SLC35A5: variants seen among roughly 807,000 people sequenced by gnomAD.
SLC35A5 encodes UDP-sugar transporter protein SLC35A5.
SLC35A5 carries 28 observed loss-of-function variants against 36.3 expected under a neutral mutation model. That is an observed-to-expected ratio of 0.77 (90% CI 0.57 to 1.06). The LOEUF is 1.06. SLC35A5 is among the 50% of genes least tolerant of loss of function. The pLI, the probability that SLC35A5 is intolerant of heterozygous loss-of-function variation, is 0.00. For synonymous variants in SLC35A5, 180 were observed against 173.7 expected (o/e 1.04, Z -0.29); for missense variants, 521 against 499.3 (o/e 1.04, Z -0.41).
At chr3:112,565,284 T>C (rs1934144925) in intron 2 of SLC35A5, among the ~76,000 whole-genome samples, 1 of 152,198 alleles carries the variant, frequency 6.6e-6, no homozygotes, top group Non-Finnish European at 1.5e-5. Context: ...GATAAAGTTA[T>C]ATATTCTGTT....
In SLC35A5 at chr3:112,584,137, TA is replaced by T. The variant is rs1935054051; in HGVS notation, c.*1405del. On this transcript the variant is annotated 3_prime_UTR_variant, in exon 7 of 7. Coordinates refer to ENST00000492406, the MANE Select transcript of SLC35A5 (RefSeq NM_017945.5). ...GCAAGAATTGGTGGAAATTTGTAATTAAAATAATTATTAAACCTATGTCTTG... is the reference window on the plus strand; with the variant it reads ...GCAAGAATTGGTGGAAATTTGTAATTAAATAATTATTAAACCTATGTCTTG... The T allele has an allele frequency of 6.6e-6, 1 of 152,166 alleles. No individual in the cohort carries two copies. The highest frequency in any genetic ancestry group is 2.4e-5 in the African/African-American group (1 of 41,440). 9.4% of individuals were successfully genotyped at this position (152,166 alleles called of 1,614,324 possible).
chr3:112,573,262 A>G (rs1016607761), intron 4 of SLC35A5, among the ~76,000 whole-genome samples: 2 of 152,240 alleles, frequency 1.3e-5, no homozygotes, highest in African/African-American at 2.4e-5. Context: ...CTTTCTGAGC[A>G]TAATGTATAC....
intron 1 of SLC35A5, 149 bp downstream of exon 1, chr3:112,562,422 G>C (rs530624827): frequency 6.6e-6 from 1 of 152,434 alleles, no homozygotes; most frequent in Non-Finnish European, 1.5e-5. Flanking sequence ...GCGTCCTGTA[G>C]GCGTGCGCCC....
In SLC35A5 at chr3:112,584,713, GT is replaced by G. The variant is rs1559867638; in HGVS notation, c.*1981del. ...GTACCTACCCAAAGGAAAATAAATCGTTTTATCAAAAAGACACTTGCAGTGG... is the reference window on the plus strand; with the variant it reads ...GTACCTACCCAAAGGAAAATAAATCGTTTATCAAAAAGACACTTGCAGTGG... On this transcript the variant is annotated 3_prime_UTR_variant, in exon 7 of 7. Coordinates refer to ENST00000492406, the MANE Select transcript of SLC35A5 (RefSeq NM_017945.5). 1 of 152,068 alleles carries G rather than the reference GT, an allele frequency of 6.6e-6. No individual in the cohort carries two copies. Among genetic ancestry groups the G allele is most frequent in the African/African-American group, 2.4e-5 (1 of 41,406 alleles). 9.4% of individuals were successfully genotyped at this position (152,068 alleles called of 1,614,324 possible).
Position 112,580,782 on chromosome 3 carries a change from G to T in SLC35A5, c.665G>T (p.Arg222Ile). 1 of 1,614,194 alleles carries T rather than the reference G, an allele frequency of 6.2e-7. No homozygotes were observed. Among genetic ancestry groups the T allele is most frequent in the Non-Finnish European group, 8.5e-7 (1 of 1,180,004 alleles). ...GAAGCTAAATGGAACACCACAGCCAGAGTTTTCAGTCACATCCGTCTTGGC... is the reference window on the plus strand; with the variant it reads ...GAAGCTAAATGGAACACCACAGCCATAGTTTTCAGTCACATCCGTCTTGGC... ...FPEAKWNTTA[R>I]VFSHIRLGMG... The change falls in exon 6 of 7, where the codon AGA becomes ATA. Residue 222 changes from arginine (R) to isoleucine (I), a missense_variant. By Grantham distance (97) the Arg-to-Ile change is moderately conservative. Transcript: ENST00000492406.
chr3:112,580,419 G>T, intron 5 of SLC35A5, 127 bp from the exon 6 acceptor site: 1 of 1,041,694 alleles, frequency 9.6e-7, no homozygotes, highest in Non-Finnish European at 1.4e-6. Flanking sequence ...AACTTGAGTG[G>T]TAGGAAATGC....
Position 112,580,817 on chromosome 3 carries a change from G to A in SLC35A5, c.700G>A (p.Val234Ile). ...FSHIRLGMGH[V>I]LIIVQCFISS... is the part of the protein sequence containing the mutation. ...TCACATCCGTCTTGGCATGGGCCATGTTCTTATTATAGTCCAGTGTTTTAT... is the reference window on the plus strand; with the variant it reads ...TCACATCCGTCTTGGCATGGGCCATATTCTTATTATAGTCCAGTGTTTTAT... Residue 234 changes from valine to isoleucine, a missense_variant, in exon 6 of 7, where the codon GTT becomes ATT. Val to Ile is a conservative substitution (Grantham distance 29). Transcript: ENST00000492406. 1.2e-6 allele frequency: 2 copies of A among 1,614,174 alleles called. No homozygotes were observed. The highest frequency in any genetic ancestry group is 8.5e-7 in the Non-Finnish European group (1 of 1,180,004).
At chr3:112,569,440 G>A (rs1934340243) in intron 3 of SLC35A5, among the ~76,000 whole-genome samples, 171 bp downstream of exon 3, 1 of 152,228 alleles carries the variant, frequency 6.6e-6, no homozygotes, top group Non-Finnish European at 1.5e-5. Context: ...AAGAGAAAGT[G>A]TTAATGCAGA....
chr3:112,565,155 T>C (rs1407976648), intron 2 of SLC35A5, among the ~76,000 whole-genome samples: 2 of 152,018 alleles, frequency 1.3e-5, no homozygotes, highest in African/African-American at 2.4e-5. Flanking sequence ...GCATAAGATA[T>C]AGACCTTGTC....
At chr3:112,573,568 G>A (rs928598653) in intron 4 of SLC35A5, among the ~76,000 whole-genome samples, 12 of 152,182 alleles carry the variant, frequency 7.9e-5, no homozygotes, top group African/African-American at 2.9e-4. Context: ...TCCATAAGGC[G>A]CTTTGAGAAC....
intron 2 of SLC35A5, 90 bp downstream of exon 2, chr3:112,563,623 AT>A: frequency 7.8e-7 from 1 of 1,276,218 alleles, no homozygotes; most frequent in East Asian, 2.7e-5. Flanking sequence ...TAACATGGAA[AT>A]AATAATGCCT....
Position 112,580,909 on chromosome 3 carries a change from C to T in SLC35A5, c.792C>T (p.Ile264=). 4 of 1,614,164 alleles carry T rather than the reference C, an allele frequency of 2.5e-6. No individual in the cohort carries two copies. Among genetic ancestry groups the T allele is most frequent in the Non-Finnish European group, 3.4e-6 (4 of 1,179,992 alleles). ...LKEGNQLTES[I]FIQNSKLYFF... Reference sequence around the variant, plus strand: ...AAGGGAACCAGCTCACTGAAAGCATCTTCATACAGAACAGCAAACTCTATT... The same window carrying T: ...AAGGGAACCAGCTCACTGAAAGCATTTTCATACAGAACAGCAAACTCTATT... Residue 264 remains isoleucine (I), a synonymous_variant, in exon 6 of 7, where the codon ATC becomes ATT. Transcript: ENST00000492406.
At chr3:112,569,795 A>G (rs1934360256) in intron 3 of SLC35A5, among the ~76,000 whole-genome samples, 1 of 152,212 alleles carries the variant, frequency 6.6e-6, no homozygotes, top group Non-Finnish European at 1.5e-5. Flanking sequence ...TTTAATATAC[A>G]TTAATTCTTC....
chr3:112,570,363 A>T, intron 3 of SLC35A5, 177 bp from the exon 4 acceptor site: 1 of 560,510 alleles, frequency 1.8e-6, no homozygotes, highest in Non-Finnish European at 3.0e-6. Flanking sequence ...CAGTAGTCCT[A>T]AGGTTGTTGC....
intron 4 of SLC35A5, among the ~76,000 whole-genome samples, 166 bp downstream of exon 4, chr3:112,570,836 G>C (rs146102370): frequency 1.3e-5 from 2 of 151,744 alleles, no homozygotes; most frequent in East Asian, 1.9e-4. Flanking sequence ...ATCAATATGC[G>C]TGCCAGGTTC....
rs1185895056 is a variant in SLC35A5, at chr3:112,573,905, T to C, written c.377T>C (p.Phe126Ser). Residue 126 changes from phenylalanine (F) to serine (S), a missense_variant, in exon 5 of 7, where the codon TTC (phenylalanine) becomes TCC (serine). Coordinates refer to ENST00000492406, the MANE Select transcript of SLC35A5 (RefSeq NM_017945.5). ...TCTTTCTAGGCCATGGCTGTTATCT[T>C]CTCAAATTTTAGCATTATAACAACA... is the stretch of plus-strand genomic sequence containing the variant. The part of the protein sequence containing the change: ...SYLQPAMAVI[F>S]SNFSIITTAL... 14 of 1,613,346 alleles carry C rather than the reference T, an allele frequency of 8.7e-6. No individual in the cohort carries two copies. Among genetic ancestry groups the C allele is most frequent in the Non-Finnish European group, 1.1e-5 (13 of 1,179,306 alleles).
At chr3:112,561,549 C>A (rs11547151), upstream of SLC35A5, 1 of 1,583,706 alleles carries the variant, frequency 6.3e-7, no homozygotes, top group South Asian at 1.1e-5. Flanking sequence ...GAGTAGCGGC[C>A]GGCCCCGCGA....
At chr3:112,565,704 C>G (rs1269275284) in intron 2 of SLC35A5, among the ~76,000 whole-genome samples, 1 of 151,818 alleles carries the variant, frequency 6.6e-6, no homozygotes. Context: ...ACCCGGGAGG[C>G]AGAGATTGCA....
rs745690510 is a variant in SLC35A5, at chr3:112,563,390, T to TA, written c.-8dup. 9 of 1,489,342 alleles carry TA rather than the reference T, an allele frequency of 6.0e-6. No homozygotes were observed. The highest frequency in any genetic ancestry group is 7.3e-6 in the Non-Finnish European group (8 of 1,099,920). 92.3% of individuals were successfully genotyped at this position (1,489,342 alleles called of 1,614,324 possible). On this transcript the variant is annotated 5_prime_UTR_variant, in exon 2 of 7. Transcript: ENST00000492406. ...AAAGTGTTTTTCTCTTTAAGGTAAT[T>TA]AAAAAACAGTGGAATGGAAAAACAG...
Sources: allele counts gnomAD v4.1 joint callset (sites outside exome capture counted in the v4.1 genomes callset), GRCh38; gene constraint gnomAD v4.1.1; transcripts MANE v1.5; gene names NCBI Gene and HGNC (gene_info 2026-07-23, HGNC 2026-07-21).